TBXA2R: variants seen among roughly 807,000 people sequenced by gnomAD.
TBXA2R encodes prostanoid TP receptor.
In TBXA2R, 15 loss-of-function variants were observed where a neutral mutation model predicts 15.6. The observed-to-expected ratio is 0.96, with a 90% CI of 0.64 to 1.48. The LOEUF is 1.48. Among genes scored for constraint, TBXA2R ranks in the 40% most tolerant of loss-of-function variants. The pLI, the probability that TBXA2R is intolerant of heterozygous loss-of-function variation, is 0.00. For missense variants in TBXA2R, 506 were observed against 491.4 expected, an observed-to-expected ratio of 1.03 and a Z score of -0.28; for synonymous variants, 280 against 241.2, an observed-to-expected ratio of 1.16 and a Z score of -1.49.
At position 3,595,389 on chromosome 19, in the gene TBXA2R, T is replaced by A; in HGVS notation, c.*299A>T. The A allele has an allele frequency of 4.4e-6, 6 of 1,363,946 alleles. No individual in the cohort carries two copies. The highest frequency in any genetic ancestry group is 1.5e-5 in the African/African-American group (1 of 68,222). The allele number at this position is 1,363,946 out of a possible 1,614,324, so 84.5% of individuals were successfully genotyped here. A position where few individuals can be genotyped will look rare whatever the true frequency, so the allele number is the denominator to read the frequency against. The stretch of plus-strand genomic sequence containing the variant: ...GCAAGACTCCGTCTAAAAAAAAAAA[T>A]AGCAATGCAAGACCCTCTTCCAATG... On this transcript the variant is annotated 3_prime_UTR_variant, in exon 3 of 3. Coordinates refer to ENST00000375190, the MANE Select transcript of TBXA2R (RefSeq NM_001060.6).
In TBXA2R at chr19:3,600,471, C is replaced by T. The variant is rs1184406791; in HGVS notation, c.164G>A (p.Gly55Glu). Residue 55 changes from glycine (G) to glutamate (E), a missense_variant, in exon 2 of 3, where the codon GGG becomes GAG. Coordinates refer to ENST00000375190, the MANE Select transcript of TBXA2R (RefSeq NM_001060.6). ...ALSVLAGARQ[G>E]GSHTRSSFLT... is the part of the protein sequence containing the mutation. Reference sequence around the variant, plus strand: ...GAAGGAGGAGCGCGTGTGCGAACCCCCCTGCCGCGCGCCCGCCAGCACGCT... The same window carrying T: ...GAAGGAGGAGCGCGTGTGCGAACCCTCCTGCCGCGCGCCCGCCAGCACGCT... 1.9e-6 allele frequency: 3 copies of T among 1,612,694 alleles called. No homozygotes were observed. The South Asian group carries it at 3.3e-5, about 18-fold the overall frequency.
In TBXA2R at chr19:3,600,473, C is replaced by T. The variant is rs771102622; in HGVS notation, c.162G>A (p.Gln54=). ...LALSVLAGAR[Q]GGSHTRSSFL... ...AGGAGGAGCGCGTGTGCGAACCCCC[C>T]TGCCGCGCGCCCGCCAGCACGCTCA... The change falls in exon 2 of 3, where the codon CAG becomes CAA. Residue 54 remains glutamine (Q), a synonymous_variant. Coordinates refer to ENST00000375190, the MANE Select transcript of TBXA2R (RefSeq NM_001060.6). 3.8e-5 allele frequency: 61 copies of T among 1,612,716 alleles called. 1 individual carries two copies. The East Asian group carries it at 1.0e-3, about 27-fold the overall frequency.
intron 1 of TBXA2R, 108 bp from the exon 2 acceptor site, chr19:3,600,825 GGTTT>G: frequency 1.1e-5 from 5 of 453,190 alleles, no homozygotes; most frequent in East Asian, 3.3e-5. Context: ...TATCCTCTCC[GGTTT>G]TTTTTTTTTT....
chr19:3,604,934 GA>G (rs1448005870), intron 1 of TBXA2R, among the ~76,000 whole-genome samples: 2 of 152,148 alleles, frequency 1.3e-5, no homozygotes, highest in Admixed American at 1.3e-4. Flanking sequence ...CTGTAGATCT[GA>G]ACGCTCATGG....
Position 3,595,675 on chromosome 19 carries a change from C to A in TBXA2R, c.*13G>T, listed in dbSNP as rs1280523543. ...TCCGCGGAAAGGCGCGGGAGGGGCGCTCTGTCCACTTCCTACTGCAGCCCG... is the reference window on the plus strand; with the variant it reads ...TCCGCGGAAAGGCGCGGGAGGGGCGATCTGTCCACTTCCTACTGCAGCCCG... On this transcript the variant is annotated 3_prime_UTR_variant, in exon 3 of 3. Coordinates refer to ENST00000375190, the MANE Select transcript of TBXA2R (RefSeq NM_001060.6). 6.4e-7 allele frequency: 1 copy of A among 1,570,538 alleles called. No homozygotes were observed. Among genetic ancestry groups the A allele is most frequent in the Non-Finnish European group, 8.6e-7 (1 of 1,157,452 alleles).
intron 1 of TBXA2R, among the ~76,000 whole-genome samples, chr19:3,604,068 G>A (rs1370719712): frequency 6.6e-6 from 1 of 152,192 alleles, no homozygotes; most frequent in African/African-American, 2.4e-5. Context: ...GCCCTCAGCG[G>A]GTTCAGGGTT....
rs757801597 is a variant in TBXA2R at position 3,600,391 on chromosome 19, C to T, written c.244G>A (p.Gly82Ser). The T allele has an allele frequency of 6.2e-7, 1 of 1,613,392 alleles. No homozygotes were observed. Among genetic ancestry groups the T allele is most frequent in the South Asian group, 1.1e-5 (1 of 91,086 alleles). Residue 82 changes from glycine (G) to serine (S), a missense_variant, in exon 2 of 3, where the codon GGT (glycine) becomes AGT (serine). Coordinates refer to ENST00000375190, the MANE Select transcript of TBXA2R (RefSeq NM_001060.6). Reference sequence around the variant, plus strand: ...GCGTGCTGGGACACCACGATGGTACCGGTCACCAGCAGCCCCAGGAAGTCG... The same window carrying T: ...GCGTGCTGGGACACCACGATGGTACTGGTCACCAGCAGCCCCAGGAAGTCG... ...LTDFLGLLVT[G>S]TIVVSQHAAL...
chr19:3,600,243 T>C lies in TBXA2R; in HGVS notation c.392A>G (p.Tyr131Cys). The C allele has an allele frequency of 6.2e-7, 1 of 1,611,566 alleles. No individual in the cohort carries two copies. The highest frequency in any genetic ancestry group is 8.5e-7 in the Non-Finnish European group (1 of 1,179,454). The change falls in exon 2 of 3, where the codon TAC becomes TGC. Residue 131 changes from tyrosine to cysteine, a missense_variant. Physicochemically the swap from Tyr to Cys is radical, Grantham distance 194 (BLOSUM62 -2). Transcript: ENST00000375190. The stretch of plus-strand genomic sequence containing the variant: ...CGAGAAGGGCCGGGTGATACCCAGG[T>C]AGCGCTCTGAGGCCATGGCGGCCCC... ...LLGAAMASERYLGITRPFSRP... is the reference protein window; with the variant it reads ...LLGAAMASERCLGITRPFSRP...
Position 3,594,790 on chromosome 19 carries a change from GGC to G in TBXA2R, c.*896_*897del, listed in dbSNP as rs1006147235. The G allele has an allele frequency of 6.7e-7, 1 of 1,482,008 alleles. No homozygotes were observed. Among genetic ancestry groups the G allele is most frequent in the African/African-American group, 1.4e-5 (1 of 71,438 alleles). The allele number at this position is 1,482,008 out of a possible 1,614,324, so 91.8% of individuals were successfully genotyped here. ...GGACCCAAAGGAAAATAAAACCAAA[GGC>G]AGAGATATATTTTGGCAAGAAAAGG... On this transcript the variant is annotated 3_prime_UTR_variant, in exon 3 of 3. Transcript: ENST00000375190.
intron 2 of TBXA2R, 97 bp downstream of exon 2, chr19:3,599,752 C>T: frequency 6.6e-7 from 1 of 1,520,794 alleles, no homozygotes; most frequent in Non-Finnish European, 8.9e-7. Context: ...CCGGCGTGAG[C>T]CACCGCGCCC....
chr19:3,597,328 A>G (rs2032623094), intron 2 of TBXA2R, among the ~76,000 whole-genome samples: 1 of 151,012 alleles, frequency 6.6e-6, no homozygotes, highest in African/African-American at 2.4e-5. Context: ...CAATTATATG[A>G]TAATTATTCA....
chr19:3,595,404 C>T lies in TBXA2R; in HGVS notation c.*284G>A, dbSNP rs200784751. ...AAAAAAAAAATAGCAATGCAAGACCCTCTTCCAATGTCTGCATGCCCTTCC... is the reference window on the plus strand; with the variant it reads ...AAAAAAAAAATAGCAATGCAAGACCTTCTTCCAATGTCTGCATGCCCTTCC... On this transcript the variant is annotated 3_prime_UTR_variant, in exon 3 of 3. Transcript: ENST00000375190. The T allele has an allele frequency of 7.2e-7, 1 of 1,391,382 alleles. No homozygotes were observed. Among genetic ancestry groups the T allele is most frequent in the African/African-American group, 1.4e-5 (1 of 69,248 alleles). 86.2% of individuals were successfully genotyped at this position (1,391,382 alleles called of 1,614,324 possible).
chr19:3,604,639 C>T (rs2032797058), intron 1 of TBXA2R, among the ~76,000 whole-genome samples: 1 of 152,084 alleles, frequency 6.6e-6, no homozygotes, highest in South Asian at 2.1e-4. Context: ...CCTGATCTGC[C>T]GTGGCCAGGC....
At chr19:3,605,598 A>T (rs942769392) in intron 1 of TBXA2R, among the ~76,000 whole-genome samples, 1 of 151,880 alleles carries the variant, frequency 6.6e-6, no homozygotes, top group Non-Finnish European at 1.5e-5. Context: ...AGACACACAC[A>T]GATAGACACA....
rs985466939 is a variant in TBXA2R, at chr19:3,600,193, G to A, written c.442C>T (p.Arg148Cys). Residue 148 changes from arginine to cysteine, a missense_variant, in exon 2 of 3, where the codon CGC becomes TGC. By Grantham distance (180) the Arg-to-Cys change is radical. Coordinates refer to ENST00000375190, the MANE Select transcript of TBXA2R (RefSeq NM_001060.6). ...FSRPAVASQRRAWATVGLVWA... is the reference protein window; with the variant it reads ...FSRPAVASQRCAWATVGLVWA... Reference sequence around the variant, plus strand: ...ACCAGCCCCACGGTGGCCCAGGCGCGGCGCTGCGAGGCGACCGCCGGGCGC... The same window carrying A: ...ACCAGCCCCACGGTGGCCCAGGCGCAGCGCTGCGAGGCGACCGCCGGGCGC... 6.9e-6 allele frequency: 11 copies of A among 1,594,494 alleles called. No homozygotes were observed. Among genetic ancestry groups the A allele is most frequent in the Middle Eastern group, 1.7e-4 (1 of 5,956 alleles).
At chr19:3,600,749 A>C in intron 1 of TBXA2R, 32 bp from the exon 2 acceptor site, 2 of 1,231,178 alleles carry the variant, frequency 1.6e-6, no homozygotes, top group South Asian at 2.6e-5. Context: ...GCTTGTGATT[A>C]ATTCTGCATT....
chr19:3,595,996 C>CCCGGGGTCCCTTGAGAT lies in TBXA2R; in HGVS notation c.787-80_787-64dup, dbSNP rs2032597371. The CCCGGGGTCCCTTGAGAT allele has an allele frequency of 5.9e-6, 9 of 1,537,284 alleles. No homozygotes were observed. In the South Asian group the frequency reaches 9.5e-5, roughly 16 times the overall value. ...CCAGCCCCGCCCGCCCCGGTCCCTG[C>CCCGGGGTCCCTTGAGAT]CCGGGGTCCCTTGAGATCCAGGGTC... On this transcript the variant is annotated intron_variant, in intron 2 of 2. Coordinates refer to ENST00000375190, the MANE Select transcript of TBXA2R (RefSeq NM_001060.6).
In TBXA2R at chr19:3,599,980, C is replaced by G; in HGVS notation, c.655G>C (p.Val219Leu). The G allele has an allele frequency of 6.2e-7, 1 of 1,600,862 alleles. No homozygotes were observed. The highest frequency in any genetic ancestry group is 8.5e-7 in the Non-Finnish European group (1 of 1,174,684). ...GLSFLLNTVS[V>L]ATLCHVYHGQ... ...TGGTAGACGTGGCACAGGGTGGCCA[C>G]GCTGACCGTGTTCAGCAGGAAGGAC... The change falls in exon 2 of 3, where the codon GTG becomes CTG. Residue 219 changes from valine to leucine, a missense_variant. Val to Leu is a conservative substitution (Grantham distance 32, BLOSUM62 1). Coordinates refer to ENST00000375190, the MANE Select transcript of TBXA2R (RefSeq NM_001060.6).
In TBXA2R at chr19:3,601,172, G is replaced by A. The variant is rs143166437; in HGVS notation, c.-83-455C>T. On this transcript the variant is annotated intron_variant, in intron 1 of 2. Transcript: ENST00000375190. ...GCAGGTTCCCCAGGGATGGTTGGTA[G>A]AGAGCAGCAGGCGGGGACCTGTTAC... 2.5e-3 allele frequency among the ~76,000 whole-genome samples: 378 copies of A among 152,284 alleles called. 1 individual carries two copies. The highest frequency in any genetic ancestry group is 8.9e-3 in the African/African-American group (369 of 41,568).
Sources: gnomAD v4.1 joint callset for allele counts (sites outside exome capture counted in the v4.1 genomes callset) on GRCh38, gnomAD v4.1.1 for gene constraint, MANE v1.5 for transcripts, NCBI Gene and HGNC (gene_info 2026-07-23, HGNC 2026-07-21) for gene names.